The following NEMP2 variants were observed in gnomAD, a reference collection of about 807,000 sequenced individuals.
NEMP2 encodes UPF0571 transmembrane protein.
A neutral mutation model predicts 54.2 loss-of-function variants in NEMP2; 53 were observed. The observed-to-expected ratio is 0.98, with a 90% CI of 0.78 to 1.23. The LOEUF (loss-of-function observed/expected upper bound fraction) is 1.23, where lower values mean the gene tolerates loss of function less well. Among genes scored for constraint, NEMP2 ranks in the 50% most tolerant of loss-of-function variants. The pLI, the probability that NEMP2 is intolerant of heterozygous loss-of-function variation, is 0.00. For synonymous variants in NEMP2, 197 were observed against 190.3 expected (o/e 1.04, Z -0.29); for missense variants, 455 against 511.3 (o/e 0.89, Z 1.06).
chr2:190,627,701 T>TA, the NEMP2 span, among the ~76,000 whole-genome samples: 5 of 152,146 alleles, frequency 3.3e-5, no homozygotes, highest in Non-Finnish European at 7.4e-5. This position sits in a 1 kb window ranked among gnomAD's most constrained non-coding sequence, Gnocchi z 4.4. Flanking sequence ...GCAGAAAACT[T>TA]AGAGATGACC....
chr2:190,446,011 CT>C, the NEMP2 span, among the ~76,000 whole-genome samples: 1 of 152,124 alleles, frequency 6.6e-6, no homozygotes, highest in African/African-American at 2.4e-5. Flanking sequence ...ATCCTGCCTC[CT>C]CCTTGATCAA....
the NEMP2 span, among the ~76,000 whole-genome samples, chr2:190,603,663 T>C: frequency 6.7e-6 from 1 of 149,750 alleles, no homozygotes; most frequent in African/African-American, 2.5e-5. Flanking sequence ...AAGTAGAGAG[T>C]GCTATGATAG....
chr2:190,623,097 T>A, the NEMP2 span, among the ~76,000 whole-genome samples: 2 of 152,024 alleles, frequency 1.3e-5, no homozygotes, highest in Non-Finnish European at 2.9e-5. Flanking sequence ...AAAATACCTA[T>A]GAATAAATTT....
At chr2:190,562,997 T>C in the NEMP2 span, among the ~76,000 whole-genome samples, 4 of 147,048 alleles carry the variant, frequency 2.7e-5, no homozygotes, top group Admixed American at 1.3e-4. The surrounding 1 kb of genome is among the most constrained non-coding windows in gnomAD (Gnocchi z 5.0). Flanking sequence ...GATCAGGCTA[T>C]AAAACACAAA....
At chr2:190,593,980 C>T in the NEMP2 span, among the ~76,000 whole-genome samples, 1 of 152,086 alleles carries the variant, frequency 6.6e-6, no homozygotes, top group African/African-American at 2.4e-5. This position sits in a 1 kb window ranked among gnomAD's most constrained non-coding sequence, Gnocchi z 4.5. Context: ...ACTTCTCCAC[C>T]TGTAACTCAC....
Position 190,531,428 on chromosome 2 carries a change from T to G in NEMP2, c.97+3131A>C, listed in dbSNP as rs1691139607. ...TAAGCCTGGAAGGGCATCATTTTCCTTAACTTCTTGCAATCCTCAGCAGGC... is the reference window on the plus strand; with the variant it reads ...TAAGCCTGGAAGGGCATCATTTTCCGTAACTTCTTGCAATCCTCAGCAGGC... On this transcript the variant is annotated intron_variant, in intron 1 of 8. Transcript: ENST00000409150. The surrounding 1 kb of genome is among the most constrained non-coding windows in gnomAD (Gnocchi z 4.7). 6.6e-6 allele frequency among the ~76,000 whole-genome samples: 1 copy of G among 152,250 alleles called. No homozygotes were observed. Among genetic ancestry groups the G allele is most frequent in the African/African-American group, 2.4e-5 (1 of 41,464 alleles).
At chr2:190,582,928 A>T in the NEMP2 span, among the ~76,000 whole-genome samples, 7 of 152,202 alleles carry the variant, frequency 4.6e-5, no homozygotes, top group African/African-American at 1.7e-4. The surrounding 1 kb of genome is among the most constrained non-coding windows in gnomAD (Gnocchi z 4.6). Flanking sequence ...AGGCCCTGAC[A>T]CTAACAGCCA....
the NEMP2 span, among the ~76,000 whole-genome samples, chr2:190,493,191 A>G: frequency 6.6e-6 from 1 of 152,106 alleles, no homozygotes; most frequent in African/African-American, 2.4e-5. Context: ...GGAAAAAGAC[A>G]TTCCATGCAA....
the NEMP2 span, among the ~76,000 whole-genome samples, chr2:190,546,590 A>G: frequency 1.3e-5 from 2 of 152,128 alleles, no homozygotes; most frequent in African/African-American, 4.8e-5. The surrounding 1 kb of genome is among the most constrained non-coding windows in gnomAD (Gnocchi z 5.1). Context: ...TGCTTACACT[A>G]TGCAAAGTCT....
At chr2:190,423,834 T>C in the NEMP2 span, among the ~76,000 whole-genome samples, 1 of 152,232 alleles carries the variant, frequency 6.6e-6, no homozygotes, top group African/African-American at 2.4e-5. The surrounding 1 kb of genome is among the most constrained non-coding windows in gnomAD (Gnocchi z 4.3). Flanking sequence ...ACCATTCTTA[T>C]AGACGTGTAG....
At chr2:190,572,720 A>G in the NEMP2 span, among the ~76,000 whole-genome samples, 1 of 150,940 alleles carries the variant, frequency 6.6e-6, no homozygotes, top group Non-Finnish European at 1.5e-5. Context: ...TGGCTTTGTA[A>G]TGATGTGTTG....
rs1012600862 is a variant in NEMP2, at chr2:190,512,227, T to A, written c.954-1690A>T. Among the ~76,000 whole-genome samples, 1 of 152,112 alleles carries A rather than the reference T, an allele frequency of 6.6e-6. No homozygotes were observed. Among genetic ancestry groups the A allele is most frequent in the Non-Finnish European group, 1.5e-5 (1 of 68,030 alleles). On this transcript the variant is annotated intron_variant, in intron 7 of 8. Transcript: ENST00000409150. This position sits in a 1 kb window ranked among gnomAD's most constrained non-coding sequence, Gnocchi z 4.5. The stretch of plus-strand genomic sequence containing the variant: ...ATTCCTTAACAGTTCAGAGCCTCAC[T>A]TTGCTCATATGAAAAAAATTAAAAT...
At position 190,523,438 on chromosome 2, in the gene NEMP2, T is replaced by C. The variant is rs1272364019; in HGVS notation, c.213+1825A>G. Among the ~76,000 whole-genome samples the C allele has an allele frequency of 6.6e-6, 1 of 152,160 alleles. No individual in the cohort carries two copies. Among genetic ancestry groups the C allele is most frequent in the East Asian group, 1.9e-4 (1 of 5,198 alleles). Reference sequence around the variant, plus strand: ...CATTATCAGAGAAGGGAATTACAAATACGAAAACTGGAAAACTAGCATGAA... The same window carrying C: ...CATTATCAGAGAAGGGAATTACAAACACGAAAACTGGAAAACTAGCATGAA... On this transcript the variant is annotated intron_variant, in intron 2 of 8. Transcript: ENST00000409150. This position sits in a 1 kb window ranked among gnomAD's most constrained non-coding sequence, Gnocchi z 5.3.
the NEMP2 span, among the ~76,000 whole-genome samples, chr2:190,596,861 C>T: frequency 1.3e-5 from 2 of 152,106 alleles, no homozygotes; most frequent in African/African-American, 4.8e-5. This position sits in a 1 kb window ranked among gnomAD's most constrained non-coding sequence, Gnocchi z 5.1. Flanking sequence ...ATTTATACAT[C>T]CCAACATACT....
At chr2:190,436,774 C>T in the NEMP2 span, 64 of 1,614,054 alleles carry the variant, frequency 4.0e-5, no homozygotes, top group South Asian at 6.8e-4. This position sits in a 1 kb window ranked among gnomAD's most constrained non-coding sequence, Gnocchi z 5.3. Context: ...CACAGCAACC[C>T]CTGTCTCCCC....
At chr2:190,619,071 T>C in the NEMP2 span, among the ~76,000 whole-genome samples, 2 of 152,174 alleles carry the variant, frequency 1.3e-5, no homozygotes, top group Non-Finnish European at 2.9e-5. This position sits in a 1 kb window ranked among gnomAD's most constrained non-coding sequence, Gnocchi z 5.5. Flanking sequence ...TACAGCAGAA[T>C]TGGACTTGCT....
rs1178310129 is a variant in NEMP2, at chr2:190,530,193, G to A, written c.97+4366C>T. ...AGCATAGAAGGAAGGAGGTTGTCCTGACTGTTCATGCCTATAGACACGCTA... is the reference window on the plus strand; with the variant it reads ...AGCATAGAAGGAAGGAGGTTGTCCTAACTGTTCATGCCTATAGACACGCTA... On this transcript the variant is annotated intron_variant, in intron 1 of 8. Coordinates refer to ENST00000409150, the MANE Select transcript of NEMP2 (RefSeq NM_001142645.2). The surrounding 1 kb of genome is among the most constrained non-coding windows in gnomAD (Gnocchi z 4.6). Among the ~76,000 whole-genome samples, 1 of 152,188 alleles carries A rather than the reference G, an allele frequency of 6.6e-6. No individual in the cohort carries two copies. Among genetic ancestry groups the A allele is most frequent in the Non-Finnish European group, 1.5e-5 (1 of 68,034 alleles).
chr2:190,560,025 G>A, the NEMP2 span, among the ~76,000 whole-genome samples: 1 of 152,212 alleles, frequency 6.6e-6, no homozygotes, highest in Non-Finnish European at 1.5e-5. The surrounding 1 kb of genome is among the most constrained non-coding windows in gnomAD (Gnocchi z 5.4). Flanking sequence ...ATTTAGGCTG[G>A]TATCAGCTCT....
the NEMP2 span, among the ~76,000 whole-genome samples, chr2:190,439,298 G>T: frequency 2.0e-5 from 3 of 152,004 alleles, no homozygotes; most frequent in East Asian, 5.8e-4. The surrounding 1 kb of genome is among the most constrained non-coding windows in gnomAD (Gnocchi z 5.8). Context: ...TAAGTCAATA[G>T]CATGAGTTGA....
Sources: allele counts gnomAD v4.1 joint callset (sites outside exome capture counted in the v4.1 genomes callset), GRCh38; gene constraint gnomAD v4.1.1; non-coding constraint Gnocchi (gnomAD v3.1); transcripts MANE v1.5; gene names NCBI Gene and HGNC (gene_info 2026-07-23, HGNC 2026-07-21).